LRBA: variants seen among roughly 807,000 people sequenced by gnomAD.
LRBA encodes the protein lipopolysaccharide-responsive and beige-like anchor protein.
In LRBA, 176 loss-of-function variants were observed where a neutral mutation model predicts 330.0. The ratio of observed to expected loss-of-function variants is 0.53; its 90% CI spans 0.47 to 0.60. LRBA has a LOEUF of 0.60. Ranked by LOEUF, LRBA falls within the 20% of genes least tolerant of loss-of-function variation. The probability of loss-of-function intolerance (pLI) is 0.00; values close to 1 mark genes in which losing one functional copy is unlikely to be tolerated. For synonymous variants in LRBA, 1,230 were observed against 1,193.0 expected, an observed-to-expected ratio of 1.03 and a Z score of -0.64; for missense variants, 3,259 against 3,444.8, an observed-to-expected ratio of 0.95 and a Z score of 1.35.
chr4:150,339,328 C>T (rs962102322), intron 48 of LRBA, among the ~76,000 whole-genome samples: 2 of 152,110 alleles, frequency 1.3e-5, no homozygotes, highest in African/African-American at 2.4e-5. Flanking sequence ...TCATTATAGA[C>T]GGTCAGTACC....
chr4:150,931,862 A>G (rs1200520487), intron 2 of LRBA, among the ~76,000 whole-genome samples: 2 of 152,210 alleles, frequency 1.3e-5, no homozygotes, highest in African/African-American at 4.8e-5. Flanking sequence ...AATGAGTCTA[A>G]GATTTAAATG....
At position 150,443,847 on chromosome 4, in the gene LRBA, T is replaced by TAA. The variant is rs376721928; in HGVS notation, c.6781-6985_6781-6984dup. ...TGTATCCTAGAACTTAAAGTATAAT[T>TAA]AAAAAAATATATATATATATATATA... On this transcript the variant is annotated intron_variant, in intron 44 of 56. Coordinates refer to ENST00000651943, the MANE Select transcript of LRBA (RefSeq NM_001364905.1). Among the ~76,000 whole-genome samples, 530 of 53,698 alleles carry TAA rather than the reference T, an allele frequency of 9.9e-3. 12 individuals are homozygous for TAA. Among genetic ancestry groups the TAA allele is most frequent in the African/African-American group, 0.021 (362 of 17,544 alleles). 35.2% of individuals were successfully genotyped at this position (53,698 alleles called of 152,430 possible). A position where few individuals can be genotyped will look rare whatever the true frequency, so the allele number is the denominator to read the frequency against.
At chr4:150,928,649 G>A in intron 3 of LRBA, 33 bp from the exon 4 acceptor site, 1 of 1,512,308 alleles carries the variant, frequency 6.6e-7, no homozygotes, top group African/African-American at 1.4e-5. Context: ...AAATAACTCA[G>A]CTAGTTATAT....
At chr4:150,970,147 AT>A (rs569221502) in intron 2 of LRBA, among the ~76,000 whole-genome samples, 25 of 152,192 alleles carry the variant, frequency 1.6e-4, no homozygotes, top group East Asian at 3.9e-4. Context: ...GCAATAAAGC[AT>A]TTTTTTAATG....
Position 150,908,752 on chromosome 4 carries a change from G to A in LRBA, c.1267C>T (p.Pro423Ser), listed in dbSNP as rs780460382. 2.5e-6 allele frequency: 4 copies of A among 1,613,758 alleles called. No homozygotes were observed. Among genetic ancestry groups the A allele is most frequent in the South Asian group, 1.1e-5 (1 of 91,082 alleles). ...CAAAGCTGGGCATCTGTAGCCCGTG[G>A]ATTGTACGTGAATGCAATGGCACTA... ...LSSAIAFTYN[P>S]RATDAQLCLE... The change falls in exon 10 of 57, where the codon CCA becomes TCA. Residue 423 changes from proline (P) to serine (S), a missense_variant. Physicochemically the swap from Pro to Ser is moderately conservative, Grantham distance 74. Coordinates refer to ENST00000651943, the MANE Select transcript of LRBA (RefSeq NM_001364905.1).
At chr4:150,799,900 A>G (rs1741350260) in intron 33 of LRBA, among the ~76,000 whole-genome samples, 1 of 152,010 alleles carries the variant, frequency 6.6e-6, no homozygotes, top group Non-Finnish European at 1.5e-5. Context: ...GCCCACCACC[A>G]CACTTGGCTA....
intron 34 of LRBA, among the ~76,000 whole-genome samples, chr4:150,780,529 C>T (rs1263042531): frequency 2.3e-5 from 2 of 86,206 alleles, no homozygotes; most frequent in Non-Finnish European, 5.3e-5. Context: ...GAAATAAGAC[C>T]TTTCAATCCA....
intron 9 of LRBA, among the ~76,000 whole-genome samples, chr4:150,909,120 A>T (rs751886676): frequency 2.6e-5 from 4 of 152,090 alleles, no homozygotes; most frequent in East Asian, 1.9e-4. Context: ...TTCTTTTTTT[A>T]AAATTGTGAT....
chr4:150,639,162 A>G (rs931898675), intron 37 of LRBA, among the ~76,000 whole-genome samples: 11 of 146,898 alleles, frequency 7.5e-5, no homozygotes, highest in Admixed American at 6.9e-4. Context: ...ATGAGATCAC[A>G]CGGACACAGG....
intron 37 of LRBA, among the ~76,000 whole-genome samples, chr4:150,636,918 G>A (rs1165992112): frequency 6.6e-6 from 1 of 152,152 alleles, no homozygotes; most frequent in East Asian, 1.9e-4. Context: ...AAAATGCTGG[G>A]ATTACAGGCG....
intron 46 of LRBA, among the ~76,000 whole-genome samples, chr4:150,432,272 CCAT>C (rs1750490807): frequency 6.6e-6 from 1 of 152,006 alleles, no homozygotes; most frequent in Non-Finnish European, 1.5e-5. Context: ...TACCACCCCA[CCAT>C]CATATTTCAC....
At chr4:150,445,250 G>A (rs1752435174) in intron 44 of LRBA, among the ~76,000 whole-genome samples, 1 of 151,032 alleles carries the variant, frequency 6.6e-6, no homozygotes, top group South Asian at 2.1e-4. Flanking sequence ...ACAAAATTGG[G>A]AACTACTTAA....
At chr4:150,958,043 G>A (rs1289234084) in intron 2 of LRBA, among the ~76,000 whole-genome samples, 3 of 148,994 alleles carry the variant, frequency 2.0e-5, no homozygotes, top group Admixed American at 6.6e-5. Context: ...TACCATTCTG[G>A]GGTCTGGAAG....
At chr4:150,282,369 C>A in intron 55 of LRBA, 81 bp downstream of exon 55, 1 of 1,312,606 alleles carries the variant, frequency 7.6e-7, no homozygotes, top group Non-Finnish European at 1.1e-6. Flanking sequence ...ATAGAGGTTT[C>A]TTTCGCGAAC....
At chr4:150,483,979 G>A (rs1757589202) in intron 42 of LRBA, among the ~76,000 whole-genome samples, 1 of 152,002 alleles carries the variant, frequency 6.6e-6, no homozygotes, top group African/African-American at 2.4e-5. Flanking sequence ...GACCCAGTAT[G>A]CTATGAACAG....
intron 47 of LRBA, among the ~76,000 whole-genome samples, chr4:150,396,664 G>T (rs978347904): frequency 2.0e-5 from 3 of 151,882 alleles, no homozygotes; most frequent in Non-Finnish European, 4.4e-5. Flanking sequence ...AGTAGAATAC[G>T]AATGTATTGG....
rs1035345488 is a variant in LRBA at position 150,806,300 on chromosome 4, T to C, written c.5489A>G (p.His1830Arg). 5 of 1,606,938 alleles carry C rather than the reference T, an allele frequency of 3.1e-6. No individual in the cohort carries two copies. The highest frequency in any genetic ancestry group is 1.1e-5 in the South Asian group (1 of 89,730). Residue 1830 changes from histidine to arginine, a missense_variant, in exon 33 of 57, where the codon CAT (histidine) becomes CGT (arginine). Coordinates refer to ENST00000651943, the MANE Select transcript of LRBA (RefSeq NM_001364905.1). ...PFLSRTLLGS[H>R]GQELLIEGTS... is the part of the protein sequence containing the mutation. ...TCCTTCTATAAGCAGTTCTTGTCCA[T>C]GGCTACCCAAAAGTGTCCGAGAAAG...
At position 150,844,664 on chromosome 4, in the gene LRBA, T is replaced by G. The variant is rs763820747; in HGVS notation, c.4455A>C (p.Ala1485=). 3.7e-6 allele frequency: 6 copies of G among 1,611,974 alleles called. No homozygotes were observed. Among genetic ancestry groups the G allele is most frequent in the Non-Finnish European group, 4.2e-6 (5 of 1,179,038 alleles). ...AATTAATCTGTATACTTACCTTCGCTGCAGATTTCCCTAAAGGAATAAGGC... is the reference window on the plus strand; with the variant it reads ...AATTAATCTGTATACTTACCTTCGCGGCAGATTTCCCTAAAGGAATAAGGC... ...MHSLIPLGKS[A]AKSPVDIVTG... Residue 1485 remains alanine (A), a synonymous_variant, in exon 27 of 57, where the codon GCA becomes GCC. Transcript: ENST00000651943.
intron 40 of LRBA, among the ~76,000 whole-genome samples, chr4:150,536,316 A>C (rs989930204): frequency 6.6e-6 from 1 of 152,204 alleles, no homozygotes; most frequent in Admixed American, 6.5e-5. Context: ...ATTATTAATA[A>C]TTTCATTAGA....
Sources: gnomAD v4.1 joint callset for allele counts (sites outside exome capture counted in the v4.1 genomes callset) on GRCh38, gnomAD v4.1.1 for gene constraint, MANE v1.5 for transcripts, NCBI Gene and HGNC (gene_info 2026-07-23, HGNC 2026-07-21) for gene names.